Variants in BICRAL observed in about 807,000 individuals in gnomAD.
BICRAL encodes the protein BICRA like chromatin remodeling complex associated protein.
A neutral mutation model predicts 91.8 loss-of-function variants in BICRAL; 8 were observed. The ratio of observed to expected loss-of-function variants is 0.09; its 90% CI spans 0.05 to 0.16. The LOEUF is 0.16. BICRAL is among the 10% of genes least tolerant of loss of function. BICRAL has a pLI of 1.00. For missense variants in BICRAL, 1,038 were observed against 1,310.9 expected (o/e 0.79, Z 3.21); for synonymous variants, 445 against 491.1 (o/e 0.91, Z 1.24).
intron 8 of BICRAL, among the ~76,000 whole-genome samples, chr6:42,855,559 A>G (rs1765325696): frequency 6.6e-6 from 1 of 151,892 alleles, no homozygotes; most frequent in African/African-American, 2.4e-5. Context: ...GATGATGATG[A>G]TGATGATGAT....
chr6:42,793,762 CT>C (rs70990140), intron 1 of BICRAL, among the ~76,000 whole-genome samples: 1,077 of 99,248 alleles, frequency 0.011, 3 homozygotes, highest in African/African-American at 0.024. Context: ...CTCAAGATGA[CT>C]TTTTTTTTTT....
At chr6:42,798,702 A>C (rs1409716005) in intron 1 of BICRAL, among the ~76,000 whole-genome samples, 1 of 152,188 alleles carries the variant, frequency 6.6e-6, no homozygotes, top group African/African-American at 2.4e-5. Flanking sequence ...ACATAAAATC[A>C]GAAAAAAAAT....
At chr6:42,839,039 A>C (rs966344363) in intron 6 of BICRAL, among the ~76,000 whole-genome samples, 1 of 151,990 alleles carries the variant, frequency 6.6e-6, no homozygotes, top group Admixed American at 6.6e-5. Flanking sequence ...GTCTCTACTA[A>C]AAATACAAAA....
At position 42,841,487 on chromosome 6, in the gene BICRAL, A is replaced by G. The variant is rs532503443; in HGVS notation, c.1840-10605A>G. ...CAGGCGTGAGCCACGCTGCCCTGCC[A>G]ATCGCTCTGAATTTTTGCTGAAGTT... On this transcript the variant is annotated intron_variant, in intron 6 of 12. Transcript: ENST00000314073. Among the ~76,000 whole-genome samples the G allele has an allele frequency of 3.9e-5, 6 of 152,080 alleles. No homozygotes were observed. In the East Asian group the frequency reaches 7.7e-4, roughly 20 times the overall value.
At chr6:42,751,986 G>A (rs1762388129) in intron 1 of BICRAL, among the ~76,000 whole-genome samples, 1 of 152,144 alleles carries the variant, frequency 6.6e-6, no homozygotes, top group Non-Finnish European at 1.5e-5. Flanking sequence ...TTTGATGCCA[G>A]AAAGAAGCAT....
intron 6 of BICRAL, among the ~76,000 whole-genome samples, chr6:42,843,463 G>C (rs1764872820): frequency 6.6e-6 from 1 of 151,728 alleles, no homozygotes; most frequent in Non-Finnish European, 1.5e-5. Flanking sequence ...AGCCAGTGTT[G>C]TAATCTAAGC....
At chr6:42,758,970 G>C (rs1283086344) in intron 1 of BICRAL, among the ~76,000 whole-genome samples, 2 of 152,216 alleles carry the variant, frequency 1.3e-5, no homozygotes, top group African/African-American at 4.8e-5. Context: ...ACATGAGACA[G>C]AGACGTGTCA....
At chr6:42,843,701 C>T (rs1406365888) in intron 6 of BICRAL, among the ~76,000 whole-genome samples, 1 of 152,020 alleles carries the variant, frequency 6.6e-6, no homozygotes, top group Non-Finnish European at 1.5e-5. Flanking sequence ...GTTTGAGGTA[C>T]CTGTAGGACA....
At chr6:42,768,649 C>T (rs1306015168) in intron 1 of BICRAL, among the ~76,000 whole-genome samples, 2 of 152,210 alleles carry the variant, frequency 1.3e-5, no homozygotes, top group Admixed American at 6.5e-5. Flanking sequence ...ATCAATCAGG[C>T]ACTTTCTCCT....
chr6:42,845,195 G>GGTTTTTTTTTTTTTTTTTTTT (rs1562490931), intron 6 of BICRAL, among the ~76,000 whole-genome samples: 3 of 25,568 alleles, frequency 1.2e-4, no homozygotes, highest in African/African-American at 1.1e-4. Flanking sequence ...TTTTTTGGGT[G>GGTTTTTTTTTTTTTTTTTTTT]TTTTTTTTTT....
chr6:42,751,521 A>T (rs768039138), intron 1 of BICRAL, among the ~76,000 whole-genome samples: 57 of 152,240 alleles, frequency 3.7e-4, no homozygotes, highest in Non-Finnish European at 6.8e-4. Context: ...AAGCAAAGGA[A>T]AACAGTCTTT....
chr6:42,852,266 C>A, intron 7 of BICRAL, 69 bp downstream of exon 7: 1 of 906,306 alleles, frequency 1.1e-6, no homozygotes, highest in Non-Finnish European at 1.8e-6. Context: ...TTTTCTCCCT[C>A]ATTCTGCACG....
intron 1 of BICRAL, among the ~76,000 whole-genome samples, chr6:42,788,222 C>CTTTTTT (rs11304715): frequency 1.8e-5 from 2 of 113,392 alleles, no homozygotes; most frequent in African/African-American, 3.4e-5. Flanking sequence ...GAGCAGCATT[C>CTTTTTT]TTTTTTTTTT....
intron 1 of BICRAL, among the ~76,000 whole-genome samples, chr6:42,751,654 CT>C (rs1190737893): frequency 0.023 from 2,690 of 116,560 alleles, 18 homozygotes; most frequent in South Asian, 0.041. Context: ...TCTTTCTTTT[CT>C]TTTTTTTTTT....
chr6:42,833,648 G>A (rs561209336), intron 6 of BICRAL, among the ~76,000 whole-genome samples: 5 of 151,560 alleles, frequency 3.3e-5, no homozygotes, highest in African/African-American at 4.8e-5. Context: ...GGGTTTCTCC[G>A]TGTTGGCCAG....
chr6:42,867,973 G>A lies in BICRAL; in HGVS notation c.*2527G>A, dbSNP rs1765762859. 6.6e-6 allele frequency: 1 copy of A among 152,602 alleles called. No individual in the cohort carries two copies. Among genetic ancestry groups the A allele is most frequent in the Non-Finnish European group, 1.5e-5 (1 of 68,042 alleles). The allele number at this position is 152,602 out of a possible 1,614,324, so 9.5% of individuals were successfully genotyped here. A position where few individuals can be genotyped will look rare whatever the true frequency, so the allele number is the denominator to read the frequency against. On this transcript the variant is annotated 3_prime_UTR_variant, in exon 13 of 13. Transcript: ENST00000314073. ...TCGAGCCCCCTCTAGTGAAGGGTAG[G>A]AGAGCTCAGCCTCGGATGGCCAACA...
chr6:42,788,914 A>G (rs1207075302), intron 1 of BICRAL, among the ~76,000 whole-genome samples: 1 of 152,002 alleles, frequency 6.6e-6, no homozygotes, highest in Non-Finnish European at 1.5e-5. Flanking sequence ...TCCTAGCAAC[A>G]TTCAGCTGTT....
intron 1 of BICRAL, among the ~76,000 whole-genome samples, chr6:42,799,568 A>G (rs995455140): frequency 8.5e-5 from 13 of 152,192 alleles, no homozygotes; most frequent in African/African-American, 3.1e-4. Context: ...TGCTGGGATT[A>G]CAGGCGTGAG....
At chr6:42,759,841 G>A (rs1293917408) in intron 1 of BICRAL, among the ~76,000 whole-genome samples, 4 of 152,164 alleles carry the variant, frequency 2.6e-5, no homozygotes, top group African/African-American at 7.2e-5. Flanking sequence ...CTGTTTACAG[G>A]TATCTCTTCT....
Sources: allele counts gnomAD v4.1 joint callset (sites outside exome capture counted in the v4.1 genomes callset), GRCh38; gene constraint gnomAD v4.1.1; transcripts MANE v1.5; gene names NCBI Gene and HGNC (gene_info 2026-07-23, HGNC 2026-07-21).